The following BAG4 variants were observed in gnomAD, a reference collection of about 807,000 sequenced individuals.
BAG4 encodes the protein BAG cochaperone 4.
A neutral mutation model predicts 52.1 loss-of-function variants in BAG4; 28 were observed. The observed-to-expected ratio is 0.54, with a 90% CI of 0.40 to 0.74. The LOEUF (loss-of-function observed/expected upper bound fraction) is 0.74. Ranked by LOEUF, BAG4 falls within the 30% of genes least tolerant of loss-of-function variation. BAG4 has a pLI of 0.00. For missense variants in BAG4, 525 were observed against 572.0 expected (o/e 0.92, Z 0.84); for synonymous variants, 208 against 217.0 (o/e 0.96, Z 0.37).
Position 38,195,000 on chromosome 8 carries a change from G to A in BAG4, c.378+2205G>A, listed in dbSNP as rs187027659. Among the ~76,000 whole-genome samples, 7 of 151,316 alleles carry A rather than the reference G, an allele frequency of 4.6e-5. No individual in the cohort carries two copies. In the East Asian group the frequency reaches 9.8e-4, roughly 21 times the overall value. On this transcript the variant is annotated intron_variant, in intron 2 of 4. Coordinates refer to ENST00000287322, the MANE Select transcript of BAG4 (RefSeq NM_004874.4). ...CTCCCGAGTAGCTGGGACTACAGGC[G>A]CCCGCCACCACGCCCAGCTAATTTT...
Position 38,177,136 on chromosome 8 carries a change from C to G in BAG4, c.267C>G (p.His89Gln), listed in dbSNP as rs762455304. The change falls in exon 1 of 5, where the codon CAC (histidine) becomes CAG (glutamine). Residue 89 changes from histidine (H) to glutamine (Q), a missense_variant. Physicochemically the swap from His to Gln is conservative, Grantham distance 24. This residue lies in a region of BAG4 where 287 missense variants were observed against 266.1 expected (regional missense o/e 1.08). Coordinates refer to ENST00000287322, the MANE Select transcript of BAG4 (RefSeq NM_004874.4). ...WPEPGRAGGS[H>Q]QEQPPYPSYN... ...AGCCTGGTCGAGCCGGAGGAAGCCA[C>G]CAGGTAAGCTTTGCACCCTCTGTCC... 2 of 1,612,758 alleles carry G rather than the reference C, an allele frequency of 1.2e-6. No homozygotes were observed.
At chr8:38,197,644 T>C (rs1240943314) in intron 2 of BAG4, among the ~76,000 whole-genome samples, 2 of 152,192 alleles carry the variant, frequency 1.3e-5, no homozygotes, top group East Asian at 3.8e-4. Context: ...TAAATTTGTA[T>C]AACAATTCTT....
chr8:38,182,280 T>G (rs1803286744), intron 1 of BAG4, among the ~76,000 whole-genome samples: 1 of 152,252 alleles, frequency 6.6e-6, no homozygotes, highest in Non-Finnish European at 1.5e-5. Flanking sequence ...ATAATTTTTG[T>G]CCAATTCTTA....
chr8:38,179,166 T>G (rs1056281885), intron 1 of BAG4, among the ~76,000 whole-genome samples: 1 of 151,066 alleles, frequency 6.6e-6, no homozygotes, highest in Non-Finnish European at 1.5e-5. Context: ...TTTATTTTTA[T>G]TTTTTATTTT....
intron 2 of BAG4, 56 bp from the exon 3 acceptor site, chr8:38,207,456 G>A: frequency 6.4e-7 from 1 of 1,561,732 alleles, no homozygotes; most frequent in South Asian, 1.2e-5. Flanking sequence ...TTAAGTCAGG[G>A]CATTTCAGCT....
intron 1 of BAG4, among the ~76,000 whole-genome samples, chr8:38,189,988 T>C (rs190410939): frequency 1.3e-5 from 2 of 152,264 alleles, no homozygotes; most frequent in Admixed American, 1.3e-4. Flanking sequence ...GGTTTCACCG[T>C]GTTAGCTAGG....
At position 38,212,860 on chromosome 8, in the gene BAG4, G is replaced by T. The variant is rs1803886295; in HGVS notation, c.*2367G>T. ...ATTTTACTATCCATTGGCAGATCTT[G>T]CTTGTGGCAGTTACTACTGTGGTGT... On this transcript the variant is annotated 3_prime_UTR_variant, in exon 5 of 5. Transcript: ENST00000287322. 6.6e-6 allele frequency: 1 copy of T among 152,156 alleles called. No individual in the cohort carries two copies. The highest frequency in any genetic ancestry group is 2.4e-5 in the African/African-American group (1 of 41,420). The allele number at this position is 152,156 out of a possible 1,614,324, so 9.4% of individuals were successfully genotyped here. A position where few individuals can be genotyped will look rare whatever the true frequency, so the allele number is the denominator to read the frequency against.
chr8:38,180,522 C>CAAAAAAAAAAAAAAAAAAAAAAAAA (rs1161178024), intron 1 of BAG4, among the ~76,000 whole-genome samples: 3 of 26,498 alleles, frequency 1.1e-4, no homozygotes, highest in African/African-American at 2.7e-4. Context: ...GACTCCGTCT[C>CAAAAAAAAAAAAAAAAAAAAAAAAA]AAAAAAAAAA....
At chr8:38,185,080 A>G (rs1803342264) in intron 1 of BAG4, among the ~76,000 whole-genome samples, 1 of 142,816 alleles carries the variant, frequency 7.0e-6, no homozygotes, top group African/African-American at 2.6e-5. Context: ...CAAGAGTGAG[A>G]CTCTGTCTCA....
At chr8:38,200,496 T>C (rs1803643366) in intron 2 of BAG4, among the ~76,000 whole-genome samples, 1 of 152,240 alleles carries the variant, frequency 6.6e-6, no homozygotes, top group African/African-American at 2.4e-5. Context: ...TTTTTCTTTT[T>C]CTTCTTCCAT....
At chr8:38,183,772 C>T (rs903122850) in intron 1 of BAG4, among the ~76,000 whole-genome samples, 22 of 152,060 alleles carry the variant, frequency 1.4e-4, no homozygotes, top group Non-Finnish European at 3.1e-4. Flanking sequence ...ATCCTCCCGC[C>T]TCTGCCTCCC....
intron 2 of BAG4, among the ~76,000 whole-genome samples, 183 bp from the exon 3 acceptor site, chr8:38,207,329 T>C (rs1208028078): frequency 6.6e-6 from 1 of 152,078 alleles, no homozygotes; most frequent in Non-Finnish European, 1.5e-5. Flanking sequence ...CTCAAACTCC[T>C]GACCTCAAAT....
At chr8:38,201,858 ATATATATATATATATATATATATTT>A (rs1803672282) in intron 2 of BAG4, 1 of 9,646 alleles carries the variant, frequency 1.0e-4, no homozygotes, top group Admixed American at 1.6e-3. Context: ...ATATATATAT[ATATATATATATATATATATATATTT>A]TTTTTTTTTT....
At position 38,176,971 on chromosome 8, in the gene BAG4, A is replaced by C; in HGVS notation, c.102A>C (p.Pro34=). 1 of 1,576,484 alleles carries C rather than the reference A, an allele frequency of 6.3e-7. No homozygotes were observed. The highest frequency in any genetic ancestry group is 1.2e-5 in the South Asian group (1 of 86,378). The change falls in exon 1 of 5, where the codon CCA becomes CCC. Residue 34 remains proline, a synonymous_variant. Transcript: ENST00000287322. ...GGGDVPVHPP[P]PLYPLRPEPP... ...GAGATGTGCCGGTACACCCACCTCC[A>C]CCCTTATATCCTCTTCGCCCTGAAC...
At position 38,211,202 on chromosome 8, in the gene BAG4, CTTTTTTTTTTTTT is replaced by C. The variant is rs758224495; in HGVS notation, c.*719_*731del. ...ATCATTAGGTTAGAGTTTTTTTCTT[CTTTTTTTTTTTTT>C]TTTTTTTTTACCACTTCTGCTGTTC... On this transcript the variant is annotated 3_prime_UTR_variant, in exon 5 of 5. Coordinates refer to ENST00000287322, the MANE Select transcript of BAG4 (RefSeq NM_004874.4). 1 of 93,674 alleles carries C rather than the reference CTTTTTTTTTTTTT, an allele frequency of 1.1e-5. No individual in the cohort carries two copies. Among genetic ancestry groups the C allele is most frequent in the African/African-American group, 3.9e-5 (1 of 25,360 alleles). The allele number at this position is 93,674 out of a possible 1,614,324, so 5.8% of individuals were successfully genotyped here.
chr8:38,202,927 C>T (rs1159474505), intron 2 of BAG4: 2 of 152,176 alleles, frequency 1.3e-5, no homozygotes, highest in South Asian at 4.1e-4. Flanking sequence ...TTTTGGATTC[C>T]GTCTTATGAC....
At position 38,207,719 on chromosome 8, in the gene BAG4, G is replaced by A. The variant is rs567675876; in HGVS notation, c.586G>A (p.Glu196Lys). ...CTATCCCCAGCAGGACTGTCAGACTGAAGCACCCCCTCTTAGGGGGCAGGT... is the reference window on the plus strand; with the variant it reads ...CTATCCCCAGCAGGACTGTCAGACTAAAGCACCCCCTCTTAGGGGGCAGGT... ...WIYPQQDCQT[E>K]APPLRGQVPG... The change falls in exon 3 of 5, where the codon GAA becomes AAA. Residue 196 changes from glutamate to lysine, a missense_variant. Glu to Lys is a moderately conservative substitution (Grantham distance 56, BLOSUM62 1). Transcript: ENST00000287322. The A allele has an allele frequency of 1.1e-5, 17 of 1,614,122 alleles. No individual in the cohort carries two copies. The South Asian group carries it at 1.9e-4, about 18-fold the overall frequency.
At chr8:38,201,865 TATATATATATATATA>T (rs1302785187) in intron 2 of BAG4, 151 of 9,106 alleles carry the variant, frequency 0.017, 5 homozygotes, top group Non-Finnish European at 0.026. Context: ...TATATATATA[TATATATATATATATA>T]TTTTTTTTTT....
At chr8:38,191,797 A>G (rs1288721345) in intron 1 of BAG4, among the ~76,000 whole-genome samples, 1 of 151,564 alleles carries the variant, frequency 6.6e-6, no homozygotes, top group Non-Finnish European at 1.5e-5. Context: ...AAATCTATAC[A>G]GTTGAAAGCA....
Sources: allele counts gnomAD v4.1 joint callset (sites outside exome capture counted in the v4.1 genomes callset), GRCh38; gene constraint gnomAD v4.1.1; regional missense constraint gnomAD v4.1.1; transcripts MANE v1.5; gene names NCBI Gene and HGNC (gene_info 2026-07-23, HGNC 2026-07-21).